RBMS1: variants seen among roughly 807,000 people sequenced by gnomAD.
The protein encoded by RBMS1 is RNA binding motif single stranded interacting protein 1, also known as RNA-binding motif, single-stranded-interacting protein 1.
Under a neutral mutation model 62.3 loss-of-function variants are expected in RBMS1, and 17 were observed. That is an observed-to-expected ratio of 0.27 (90% confidence interval 0.19 to 0.41). RBMS1 has a LOEUF of 0.41. Among genes scored for constraint, RBMS1 ranks in the 10% least tolerant of loss-of-function variants. The pLI, the probability that RBMS1 is intolerant of heterozygous loss-of-function variation, is 1.00. For missense variants in RBMS1, 334 were observed against 504.5 expected (o/e 0.66, Z 3.24); for synonymous variants, 172 against 170.0 (o/e 1.01, Z -0.09).
At chr2:160,321,627 T>G (rs1690565354) in intron 2 of RBMS1, among the ~76,000 whole-genome samples, 1 of 152,116 alleles carries the variant, frequency 6.6e-6, no homozygotes, top group Non-Finnish European at 1.5e-5. Context: ...ACTTTCTAAA[T>G]CTCATCTTCA....
intron 9 of RBMS1, chr2:160,284,540 A>C: frequency 2.0e-6 from 1 of 496,610 alleles, no homozygotes; most frequent in South Asian, 2.2e-5. Flanking sequence ...TTCCAATCCA[A>C]AATGCTATGA....
In RBMS1 at chr2:160,493,596, G is replaced by A; in HGVS notation, c.-233C>T. The A allele has an allele frequency of 1.8e-6, 1 of 565,422 alleles. No individual in the cohort carries two copies. Among genetic ancestry groups the A allele is most frequent in the Non-Finnish European group, 3.1e-6 (1 of 325,604 alleles). The allele number at this position is 565,422 out of a possible 1,614,324, so 35.0% of individuals were successfully genotyped here. ...CTTCCTCCTCCTCCTCCTCCTCCCAGGCAGAAAGAAAGACACTGCAGAGCG... is the reference window on the plus strand; with the variant it reads ...CTTCCTCCTCCTCCTCCTCCTCCCAAGCAGAAAGAAAGACACTGCAGAGCG... On this transcript the variant is annotated 5_prime_UTR_variant, in exon 1 of 14. Transcript: ENST00000348849.
chr2:160,371,332 C>G (rs535615607), intron 1 of RBMS1, among the ~76,000 whole-genome samples: 1 of 152,286 alleles, frequency 6.6e-6, no homozygotes, highest in East Asian at 1.9e-4. Context: ...CGGAAGCTGC[C>G]TTGGAACGTG....
chr2:160,399,156 C>A (rs1440325706), intron 1 of RBMS1, among the ~76,000 whole-genome samples: 1 of 152,186 alleles, frequency 6.6e-6, no homozygotes, highest in Non-Finnish European at 1.5e-5. Context: ...CATGATGCAA[C>A]CAATTATCCT....
rs540579305 is a variant in RBMS1 at position 160,275,719 on chromosome 2, A to C, written c.1144-5T>G. ...CTGCTGTTGACCACTTGCCTCCTAC[A>C]ACAAACAAAGCAGAATGGATGAGAC... On this transcript the variant is annotated splice_region_variant and splice_polypyrimidine_tract_variant and intron_variant, in intron 12 of 13. Coordinates refer to ENST00000348849, the MANE Select transcript of RBMS1 (RefSeq NM_016836.4). 1 of 1,613,722 alleles carries C rather than the reference A, an allele frequency of 6.2e-7. No individual in the cohort carries two copies. Among genetic ancestry groups the C allele is most frequent in the Admixed American group, 1.7e-5 (1 of 60,016 alleles).
intron 5 of RBMS1, 149 bp from the exon 6 acceptor site, chr2:160,300,879 T>C: frequency 1.2e-6 from 1 of 850,910 alleles, no homozygotes; most frequent in Admixed American, 3.7e-5. Flanking sequence ...TATTCTACCT[T>C]TTATCTAACT....
chr2:160,299,123 A>G lies in RBMS1; in HGVS notation c.640+1528T>C, dbSNP rs115097483. On this transcript the variant is annotated intron_variant, in intron 6 of 13. Coordinates refer to ENST00000348849, the MANE Select transcript of RBMS1 (RefSeq NM_016836.4). ...GCTGTCTAGCTAACTAATATTGCGC[A>G]TTTACCAAGAGGAATTTCAACCACA... Among the ~76,000 whole-genome samples the G allele has an allele frequency of 5.8e-3, 888 of 152,272 alleles. 16 individuals are homozygous for G. The highest frequency in any genetic ancestry group is 0.018 in the African/African-American group (765 of 41,546).
At chr2:160,443,130 C>G (rs1392521554) in intron 1 of RBMS1, among the ~76,000 whole-genome samples, 1 of 151,290 alleles carries the variant, frequency 6.6e-6, no homozygotes, top group African/African-American at 2.4e-5. Flanking sequence ...TGCTGGAACC[C>G]AGGAGGCGGA....
chr2:160,479,063 T>C (rs62175961), intron 1 of RBMS1, among the ~76,000 whole-genome samples: 3,791 of 152,310 alleles, frequency 0.025, 68 homozygotes, highest in Middle Eastern at 0.061. Context: ...TTGTTGTTGT[T>C]GACCAAACTA....
intron 7 of RBMS1, 42 bp from the exon 8 acceptor site, chr2:160,285,086 G>C (rs1345888306): frequency 1.3e-6 from 2 of 1,577,890 alleles, no homozygotes; most frequent in African/African-American, 1.4e-5. Flanking sequence ...ATCTAGAAAG[G>C]CATGATTTAA....
intron 6 of RBMS1, among the ~76,000 whole-genome samples, chr2:160,291,593 C>T (rs775747718): frequency 7.2e-5 from 11 of 152,170 alleles, no homozygotes; most frequent in Non-Finnish European, 1.6e-4. Flanking sequence ...TCTCTGTGGA[C>T]GTTCTTCCTC....
At chr2:160,394,797 G>T (rs1052232695) in intron 1 of RBMS1, among the ~76,000 whole-genome samples, 3 of 152,184 alleles carry the variant, frequency 2.0e-5, no homozygotes, top group African/African-American at 7.2e-5. Context: ...AAACATTAGT[G>T]CAAGTGTGTG....
intron 1 of RBMS1, among the ~76,000 whole-genome samples, chr2:160,487,145 G>GA (rs1028332438): frequency 5.1e-4 from 78 of 152,250 alleles, no homozygotes; most frequent in African/African-American, 1.8e-3. Context: ...TTATACAGCA[G>GA]AAAAAATGCA....
At chr2:160,351,665 G>A (rs1056832128) in intron 2 of RBMS1, among the ~76,000 whole-genome samples, 2 of 152,104 alleles carry the variant, frequency 1.3e-5, no homozygotes, top group African/African-American at 4.8e-5. Flanking sequence ...TTTACTGACA[G>A]TCCAGGAAAC....
intron 6 of RBMS1, among the ~76,000 whole-genome samples, chr2:160,296,425 T>C (rs577539360): frequency 7.2e-5 from 11 of 152,328 alleles, no homozygotes; most frequent in Admixed American, 5.9e-4. Context: ...TACAAATTAG[T>C]TTCTCTATGA....
chr2:160,420,219 T>C (rs1696368019), intron 1 of RBMS1, among the ~76,000 whole-genome samples: 1 of 152,190 alleles, frequency 6.6e-6, no homozygotes, highest in Non-Finnish European at 1.5e-5. Context: ...CTCCACTTTC[T>C]AACTCCCTTG....
At chr2:160,407,729 C>T (rs1385020883) in intron 1 of RBMS1, 1 of 981,406 alleles carries the variant, frequency 1.0e-6, no homozygotes, top group Non-Finnish European at 1.2e-6. Flanking sequence ...CCTCCGCACT[C>T]GCCTAAAAGT....
intron 1 of RBMS1, among the ~76,000 whole-genome samples, chr2:160,396,348 C>T (rs1695138011): frequency 6.6e-6 from 1 of 152,076 alleles, no homozygotes. Flanking sequence ...GTAATTTATA[C>T]AAGAACTTCA....
At chr2:160,358,912 G>C (rs1692958896) in intron 2 of RBMS1, among the ~76,000 whole-genome samples, 1 of 151,374 alleles carries the variant, frequency 6.6e-6, no homozygotes, top group African/African-American at 2.4e-5. Context: ...AAATTCACTA[G>C]ATACAGATTT....
Sources: allele counts gnomAD v4.1 joint callset (sites outside exome capture counted in the v4.1 genomes callset), GRCh38; gene constraint gnomAD v4.1.1; transcripts MANE v1.5; gene names NCBI Gene and HGNC (gene_info 2026-07-23, HGNC 2026-07-21).